The following CMTM1 variants were observed in gnomAD, a reference collection of about 807,000 sequenced individuals.
CMTM1 encodes CKLF-like MARVEL transmembrane domain-containing protein 1.
CMTM1 carries 16 observed loss-of-function variants against 17.8 expected under a neutral mutation model. The observed-to-expected ratio is 0.90, with a 90% CI of 0.61 to 1.37. The LOEUF is 1.37. Ranked by LOEUF, CMTM1 falls within the 40% of genes most tolerant of loss-of-function variation. The pLI is 0.00. For missense variants in CMTM1, 354 were observed against 375.6 expected, an observed-to-expected ratio of 0.94 and a Z score of 0.47; for synonymous variants, 169 against 154.6, an observed-to-expected ratio of 1.09 and a Z score of -0.69.
intron 3 of CMTM1, among the ~76,000 whole-genome samples, chr16:66,577,767 CA>C (rs1361510618): frequency 1.3e-5 from 2 of 152,094 alleles, no homozygotes; most frequent in East Asian, 3.9e-4. Flanking sequence ...CTCTGGGCCA[CA>C]AGACTGGGAC....
At chr16:66,567,821 T>C (rs891761784) in intron 1 of CMTM1, among the ~76,000 whole-genome samples, 19 of 152,204 alleles carry the variant, frequency 1.2e-4, no homozygotes, top group Non-Finnish European at 1.9e-4. Context: ...AGGAGTACCT[T>C]GCAAAATAGA....
chr16:66,566,840 G>C lies in CMTM1; in HGVS notation c.327G>C (p.Ala109=), dbSNP rs2012490042. Residue 109 remains alanine (A), a synonymous_variant, in exon 1 of 4, where the codon GCG becomes GCC. Coordinates refer to ENST00000379500, the MANE Select transcript of CMTM1 (RefSeq NM_052999.4). This position sits in a 1 kb window ranked among gnomAD's most constrained non-coding sequence, Gnocchi z 4.9. ...AATCCAAACTCTTAAATGAGATGGC[G>C]ATCAAAGAGCGCGTGGAGGGCCGAG... is the stretch of plus-strand genomic sequence containing the variant. The part of the protein sequence containing the change: ...HTESKLLNEM[A]IKERVEGRAK... 1 of 1,614,008 alleles carries C rather than the reference G, an allele frequency of 6.2e-7. No homozygotes were observed. Among genetic ancestry groups the C allele is most frequent in the South Asian group, 1.1e-5 (1 of 91,070 alleles).
chr16:66,566,637 C>A lies in CMTM1; in HGVS notation c.124C>A (p.Arg42Ser), dbSNP rs375960305. Reference sequence around the variant, plus strand: ...AGTGAGTTCTGTACCCAAGGCACAGCGCAACATCTCAGCGAAGACCGCACC... The same window carrying A: ...AGTGAGTTCTGTACCCAAGGCACAGAGCAACATCTCAGCGAAGACCGCACC... ...SVVSSVPKAQ[R>S]NISAKTAPRK... The change falls in exon 1 of 4, where the codon CGC becomes AGC. Residue 42 changes from arginine (R) to serine (S), a missense_variant. By Grantham distance (110) the Arg-to-Ser change is moderately radical (BLOSUM62 -1). Transcript: ENST00000379500. This position sits in a 1 kb window ranked among gnomAD's most constrained non-coding sequence, Gnocchi z 4.9. 1 of 1,614,020 alleles carries A rather than the reference C, an allele frequency of 6.2e-7. No individual in the cohort carries two copies. The highest frequency in any genetic ancestry group is 8.5e-7 in the Non-Finnish European group (1 of 1,179,998).
chr16:66,570,673 C>CTCTAG (rs1275542053), intron 2 of CMTM1, among the ~76,000 whole-genome samples: 1 of 152,196 alleles, frequency 6.6e-6, no homozygotes, highest in Non-Finnish European at 1.5e-5. Context: ...AAGCTAACCC[C>CTCTAG]TCAGGTCTCA....
At chr16:66,571,849 G>A (rs2013590860) in intron 2 of CMTM1, among the ~76,000 whole-genome samples, 1 of 152,140 alleles carries the variant, frequency 6.6e-6, no homozygotes, top group South Asian at 2.1e-4. Context: ...AGGGTTCAGT[G>A]GTAATGCCCA....
At chr16:66,578,151 C>T (rs1296313865) in intron 3 of CMTM1, among the ~76,000 whole-genome samples, 5 of 152,196 alleles carry the variant, frequency 3.3e-5, no homozygotes, top group East Asian at 1.9e-4. Flanking sequence ...TGGTCCCCAT[C>T]GGCTGACTCC....
At chr16:66,577,739 CTG>C (rs1567379651) in intron 3 of CMTM1, among the ~76,000 whole-genome samples, 1 of 152,170 alleles carries the variant, frequency 6.6e-6, no homozygotes, top group Non-Finnish European at 1.5e-5. Flanking sequence ...GATATAGGAA[CTG>C]AGGTTAAATA....
Position 66,566,954 on chromosome 16 carries a change from A to G in CMTM1, c.432+9A>G, listed in dbSNP as rs1192288527. On this transcript the variant is annotated intron_variant, in intron 1 of 3. Transcript: ENST00000379500. This position sits in a 1 kb window ranked among gnomAD's most constrained non-coding sequence, Gnocchi z 4.9. ...TGAAGATCCTGAGACTGGTGAGCGGAGAGCTGGTGAGACCTAGCTGGGCGG... is the reference window on the plus strand; with the variant it reads ...TGAAGATCCTGAGACTGGTGAGCGGGGAGCTGGTGAGACCTAGCTGGGCGG... 6.2e-7 allele frequency: 1 copy of G among 1,614,094 alleles called. No individual in the cohort carries two copies. The highest frequency in any genetic ancestry group is 8.5e-7 in the Non-Finnish European group (1 of 1,179,980).
intron 2 of CMTM1, among the ~76,000 whole-genome samples, chr16:66,570,926 A>C (rs1013839657): frequency 6.6e-6 from 1 of 152,216 alleles, no homozygotes; most frequent in African/African-American, 2.4e-5. Flanking sequence ...CACCCATCAG[A>C]CCCATCAGAT....
At chr16:66,567,281 AT>A in intron 1 of CMTM1, 1 of 388,038 alleles carries the variant, frequency 2.6e-6, no homozygotes, top group South Asian at 2.3e-5. Flanking sequence ...TACATTAGGT[AT>A]TTCTCCTAAT....
At chr16:66,574,453 C>CA (rs2013980494) in intron 2 of CMTM1, among the ~76,000 whole-genome samples, 1 of 152,198 alleles carries the variant, frequency 6.6e-6, no homozygotes, top group African/African-American at 2.4e-5. Context: ...GTTGCTTACC[C>CA]ATCTGTAAAC....
chr16:66,568,779 G>A (rs1393536119), intron 1 of CMTM1, among the ~76,000 whole-genome samples: 5 of 151,860 alleles, frequency 3.3e-5, no homozygotes, highest in South Asian at 2.1e-4. Context: ...CCAGCTACTC[G>A]GGAGGCTGCG....
chr16:66,568,714 C>T (rs937368741), intron 1 of CMTM1, among the ~76,000 whole-genome samples: 3 of 151,994 alleles, frequency 2.0e-5, no homozygotes, highest in Middle Eastern at 3.4e-3. Context: ...GGTGAAACCC[C>T]GTCTCTACTA....
At chr16:66,568,788 C>T (rs1019178414) in intron 1 of CMTM1, among the ~76,000 whole-genome samples, 2 of 150,958 alleles carry the variant, frequency 1.3e-5, no homozygotes, top group Non-Finnish European at 2.9e-5. Context: ...CGGGAGGCTG[C>T]GGCAGGAGAA....
intron 3 of CMTM1, 114 bp downstream of exon 3, chr16:66,577,316 T>A: frequency 1.3e-6 from 1 of 747,952 alleles, no homozygotes; most frequent in Non-Finnish European, 2.2e-6. Flanking sequence ...TGCCACCCAC[T>A]CTCCTTCTTG....
Position 66,577,158 on chromosome 16 carries a change from G to A in CMTM1, c.646G>A (p.Ala216Thr). ...AVFLSVVAIL[A>T]MQEKKRRHLL... ...GTTCCTTTCAGTAGTTGCCATCTTGGCCATGCAAGAAAAGAAAAGAAGGCA... is the reference window on the plus strand; with the variant it reads ...GTTCCTTTCAGTAGTTGCCATCTTGACCATGCAAGAAAAGAAAAGAAGGCA... The change falls in exon 3 of 4, where the codon GCC (alanine) becomes ACC (threonine). Residue 216 changes from alanine (A) to threonine (T), a missense_variant. Transcript: ENST00000379500. 1 of 1,613,888 alleles carries A rather than the reference G, an allele frequency of 6.2e-7. No individual in the cohort carries two copies. The highest frequency in any genetic ancestry group is 1.1e-5 in the South Asian group (1 of 91,068).
At chr16:66,576,360 T>C (rs547311492) in intron 2 of CMTM1, among the ~76,000 whole-genome samples, 1 of 151,666 alleles carries the variant, frequency 6.6e-6, no homozygotes, top group South Asian at 2.1e-4. Context: ...ATCGCACCAT[T>C]GCACTCTAGC....
rs1259170230 is a variant in CMTM1, at chr16:66,566,740, C to T, written c.227C>T (p.Ala76Val). 2 of 1,613,852 alleles carry T rather than the reference C, an allele frequency of 1.2e-6. No homozygotes were observed. The highest frequency in any genetic ancestry group is 2.2e-5 in the East Asian group (1 of 44,876). ...CGTCCCCAAGGCAGTGAGGGCACCG[C>T]ACCCTCAAGGAAAGCCACCACACGC... ...AARPQGSEGTAPSRKATTRPP... is the reference protein window; with the variant it reads ...AARPQGSEGTVPSRKATTRPP... Residue 76 changes from alanine (A) to valine (V), a missense_variant, in exon 1 of 4, where the codon GCA (alanine) becomes GTA (valine). Ala to Val is a moderately conservative substitution (Grantham distance 64). Transcript: ENST00000379500. The surrounding 1 kb of genome is among the most constrained non-coding windows in gnomAD (Gnocchi z 4.9).
At chr16:66,575,345 G>C in intron 2 of CMTM1, 1 of 432,840 alleles carries the variant, frequency 2.3e-6, no homozygotes. Flanking sequence ...ATGAACCTCA[G>C]TCATTATCCC....
Sources: allele counts gnomAD v4.1 joint callset (sites outside exome capture counted in the v4.1 genomes callset), GRCh38; gene constraint gnomAD v4.1.1; non-coding constraint Gnocchi (gnomAD v3.1); transcripts MANE v1.5; gene names NCBI Gene and HGNC (gene_info 2026-07-23, HGNC 2026-07-21).